Variants in ZNF66 observed in about 807,000 individuals in gnomAD.
The protein encoded by ZNF66 is zinc finger protein 66, also known as putative zinc finger protein 66.
In ZNF66, 32 loss-of-function variants were observed where a neutral mutation model predicts 35.2. The observed-to-expected ratio is 0.91, with a 90% CI of 0.69 to 1.22. The LOEUF is 1.22. ZNF66 is among the 50% of genes most tolerant of loss of function. The pLI, the probability that ZNF66 is intolerant of heterozygous loss-of-function variation, is 0.00. For missense variants in ZNF66, 666 were observed against 543.1 expected (o/e 1.23, Z -2.25); for synonymous variants, 231 against 181.3 (o/e 1.27, Z -2.20).
intron 3 of ZNF66, among the ~76,000 whole-genome samples, chr19:20,796,563 C>T (rs1356729094): frequency 2.0e-5 from 3 of 151,958 alleles, no homozygotes; most frequent in Non-Finnish European, 2.9e-5. Context: ...AGGGTCTAAC[C>T]CTATTCTGCA....
intron 1 of ZNF66, among the ~76,000 whole-genome samples, chr19:20,785,533 T>C (rs915045751): frequency 2.0e-5 from 3 of 152,214 alleles, no homozygotes; most frequent in African/African-American, 7.2e-5. Flanking sequence ...GGATGAACTA[T>C]GTGTGACATG....
rs1469952068 is a variant in ZNF66, at chr19:20,806,913, C to T, written c.1313C>T (p.Ser438Phe). Residue 438 changes from serine (S) to phenylalanine (F), a missense_variant, in exon 4 of 4, where the codon TCT becomes TTT. By Grantham distance (155) the Ser-to-Phe change is radical. Transcript: ENST00000344519. ...TGTGGCAAAGCCTTCAGTCGGTCCT[C>T]TATTCTTACTACACATAAGATAATT... ...EECGKAFSRS[S>F]ILTTHKIIHT... 2 of 1,233,298 alleles carry T rather than the reference C, an allele frequency of 1.6e-6. No homozygotes were observed. Among genetic ancestry groups the T allele is most frequent in the Admixed American group, 1.7e-5 (1 of 59,420 alleles). 76.4% of individuals were successfully genotyped at this position (1,233,298 alleles called of 1,614,324 possible). A position where few individuals can be genotyped will look rare whatever the true frequency, so the allele number is the denominator to read the frequency against.
intron 1 of ZNF66, among the ~76,000 whole-genome samples, chr19:20,785,847 C>T (rs1971282579): frequency 6.6e-6 from 1 of 151,930 alleles, no homozygotes; most frequent in Non-Finnish European, 1.5e-5. Context: ...CTGCAACCTA[C>T]AGCTCCCGGG....
chr19:20,795,516 C>T (rs1450676826), intron 3 of ZNF66, among the ~76,000 whole-genome samples: 5 of 150,134 alleles, frequency 3.3e-5, no homozygotes, highest in South Asian at 4.2e-4. Context: ...TACAGGCATG[C>T]GCCACCATGC....
intron 3 of ZNF66, among the ~76,000 whole-genome samples, chr19:20,804,416 T>A (rs959532223): frequency 1.3e-5 from 2 of 152,048 alleles, no homozygotes; most frequent in South Asian, 4.1e-4. Flanking sequence ...GCTATTTTTT[T>A]ATATTTTTAG....
chr19:20,798,152 A>G (rs399686), intron 3 of ZNF66, among the ~76,000 whole-genome samples: 119,474 of 152,028 alleles, frequency 0.79, 47,210 homozygotes, highest in Non-Finnish European at 0.83. Context: ...TGTGTTTAGT[A>G]ATTAATATGT....
intron 3 of ZNF66, 78 bp from the exon 4 acceptor site, chr19:20,805,749 A>G (rs34589343): frequency 0.1 from 47,567 of 453,256 alleles, 2,885 homozygotes; most frequent in Non-Finnish European, 0.12. Context: ...AGTTTGTATA[A>G]TTTTATAGGT....
chr19:20,806,612 G>A lies in ZNF66; in HGVS notation c.1012G>A (p.Glu338Lys), dbSNP rs1181755551. The A allele has an allele frequency of 6.3e-7, 1 of 1,592,648 alleles. No individual in the cohort carries two copies. The highest frequency in any genetic ancestry group is 1.1e-5 in the South Asian group (1 of 90,686). The change falls in exon 4 of 4, where the codon GAG (glutamate) becomes AAG (lysine). Residue 338 changes from glutamate (E) to lysine (K), a missense_variant. Physicochemically the swap from Glu to Lys is moderately conservative, Grantham distance 56. Coordinates refer to ENST00000344519, the MANE Select transcript of ZNF66 (RefSeq NM_001355197.2). ...TACACATAAGAGAATTCATACTGGA[G>A]AGAAACCCTACAAATGTGAAGAATG... ...LTTHKRIHTG[E>K]KPYKCEECGK...
intron 3 of ZNF66, among the ~76,000 whole-genome samples, chr19:20,796,029 C>T (rs1971388726): frequency 6.6e-6 from 1 of 152,142 alleles, no homozygotes; most frequent in South Asian, 2.1e-4. Context: ...CATTTCACAA[C>T]TCCCTCCCTG....
At position 20,776,442 on chromosome 19, in the gene ZNF66, C is replaced by CTAGAAATGGTGAGAGTG; in HGVS notation, c.-5_3+9dup. 1 of 1,559,266 alleles carries CTAGAAATGGTGAGAGTG rather than the reference C, an allele frequency of 6.4e-7. No homozygotes were observed. The highest frequency in any genetic ancestry group is 8.8e-7 in the Non-Finnish European group (1 of 1,132,104). On this transcript the variant is annotated 5_prime_UTR_variant, in exon 1 of 4. In the 5' UTR this introduces an upstream ATG that the reference lacks. Coordinates refer to ENST00000344519, the MANE Select transcript of ZNF66 (RefSeq NM_001355197.2). ...TAAGACGCCAGGACCCCCTGGAAGC[C>CTAGAAATGGTGAGAGTG]TAGAAATGGTGAGAGTGCCGGTCCA...
In ZNF66 at chr19:20,807,116, G is replaced by C; in HGVS notation, c.1516G>C (p.Asp506His). Residue 506 changes from aspartate to histidine, a missense_variant, in exon 4 of 4, where the codon GAT becomes CAT. Transcript: ENST00000344519. Reference protein sequence around the residue: ...LTTHKRIHTADKPYKCEECGK... With the variant: ...LTTHKRIHTAHKPYKCEECGK... Reference sequence around the variant, plus strand: ...TACACATAAGAGAATTCATACTGCAGATAAACCCTACAAATGTGAAGAATG... The same window carrying C: ...TACACATAAGAGAATTCATACTGCACATAAACCCTACAAATGTGAAGAATG... 2 of 795,748 alleles carry C rather than the reference G, an allele frequency of 2.5e-6. No individual in the cohort carries two copies. The highest frequency in any genetic ancestry group is 4.5e-6 in the Non-Finnish European group (2 of 444,300). The allele number at this position is 795,748 out of a possible 1,614,324, so 49.3% of individuals were successfully genotyped here.
At chr19:20,779,862 ATGT>A (rs1453657388) in intron 1 of ZNF66, among the ~76,000 whole-genome samples, 2 of 151,474 alleles carry the variant, frequency 1.3e-5, no homozygotes, top group East Asian at 1.9e-4. Flanking sequence ...CGGGAGGTAA[ATGT>A]TGTACTGAGC....
rs1022982152 is a variant in ZNF66, at chr19:20,809,348, T to C, written c.*2026T>C. ...CAGAGAACGCCACAAAGATACTCCT[T>C]GAGAAGAGCAACTCCAAGACACATA... On this transcript the variant is annotated 3_prime_UTR_variant, in exon 4 of 4. Coordinates refer to ENST00000344519, the MANE Select transcript of ZNF66 (RefSeq NM_001355197.2). Among the ~76,000 whole-genome samples, 12 of 151,744 alleles carry C rather than the reference T, an allele frequency of 7.9e-5. No homozygotes were observed. The highest frequency in any genetic ancestry group is 5.9e-4 in the Admixed American group (9 of 15,232).
At chr19:20,804,360 C>T (rs867730822) in intron 3 of ZNF66, among the ~76,000 whole-genome samples, 2 of 152,108 alleles carry the variant, frequency 1.3e-5, no homozygotes, top group Admixed American at 6.6e-5. Context: ...TCTCTTGCCT[C>T]AGCCTCCTCA....
intron 1 of ZNF66, 42 bp downstream of exon 1, chr19:20,776,492 T>G: frequency 6.6e-7 from 1 of 1,525,726 alleles, no homozygotes; most frequent in Non-Finnish European, 9.1e-7. Flanking sequence ...GTGAAGTGTC[T>G]GTGGCGGGAC....
At position 20,792,687 on chromosome 19, in the gene ZNF66, T is replaced by C. The variant is rs537773015; in HGVS notation, c.130+49T>C. 3.8e-4 allele frequency: 403 copies of C among 1,049,986 alleles called. 10 individuals carry two copies. The South Asian group carries it at 6.3e-3, about 16-fold the overall frequency. The allele number at this position is 1,049,986 out of a possible 1,614,324, so 65.0% of individuals were successfully genotyped here. ...CTCATAATATACACAAATTGTTTTA[T>C]TTCTCTTTTTTGTAGAATGTTAGTA... On this transcript the variant is annotated intron_variant, in intron 2 of 3. Coordinates refer to ENST00000344519, the MANE Select transcript of ZNF66 (RefSeq NM_001355197.2).
At chr19:20,784,599 A>G (rs1971271170) in intron 1 of ZNF66, 1 of 152,194 alleles carries the variant, frequency 6.6e-6, no homozygotes, top group Admixed American at 6.5e-5. Flanking sequence ...TTCTTCATCA[A>G]AAAGTGTTGT....
Position 20,806,703 on chromosome 19 carries a change from C to T in ZNF66, c.1103C>T (p.Pro368Leu). The T allele has an allele frequency of 6.9e-7, 1 of 1,459,466 alleles. No homozygotes were observed. Among genetic ancestry groups the T allele is most frequent in the South Asian group, 1.1e-5 (1 of 87,752 alleles). 90.4% of individuals were successfully genotyped at this position (1,459,466 alleles called of 1,614,324 possible). A position where few individuals can be genotyped will look rare whatever the true frequency, so the allele number is the denominator to read the frequency against. ...AAAATAATCCATACTGGAGAGAAACCCTACAAATGTGAAGAATGTGGTGAA... is the reference window on the plus strand; with the variant it reads ...AAAATAATCCATACTGGAGAGAAACTCTACAAATGTGAAGAATGTGGTGAA... ...KHKIIHTGEK[P>L]YKCEECGEAF... Residue 368 changes from proline to leucine, a missense_variant, in exon 4 of 4, where the codon CCC becomes CTC. Physicochemically the swap from Pro to Leu is moderately conservative, Grantham distance 98. Transcript: ENST00000344519.
At chr19:20,776,571 C>T (rs551757654) in intron 1 of ZNF66, 121 bp downstream of exon 1, 2 of 1,314,052 alleles carry the variant, frequency 1.5e-6, no homozygotes, top group Non-Finnish European at 2.2e-6. Context: ...TGCCTCAGTC[C>T]CATTCAGCCA....
Sources: gnomAD v4.1 joint callset for allele counts (sites outside exome capture counted in the v4.1 genomes callset) on GRCh38, gnomAD v4.1.1 for gene constraint, MANE v1.5 for transcripts, NCBI Gene and HGNC (gene_info 2026-07-23, HGNC 2026-07-21) for gene names.